Variants in MYL3 observed in about 807,000 individuals in gnomAD.
MYL3 encodes the protein CMLC1.
MYL3 carries 11 observed loss-of-function variants against 21.3 expected under a neutral mutation model. The ratio of observed to expected loss-of-function variants is 0.52; its 90% CI spans 0.32 to 0.85. The LOEUF is 0.85. Among genes scored for constraint, MYL3 ranks in the 40% least tolerant of loss-of-function variants. The pLI, the probability that MYL3 is intolerant of heterozygous loss-of-function variation, is 0.03. For missense variants in MYL3, 206 were observed against 253.3 expected (o/e 0.81, Z 1.27); for synonymous variants, 88 against 91.6 (o/e 0.96, Z 0.22).
At position 46,861,318 on chromosome 3, in the gene MYL3, C is replaced by A. The variant is rs1028593004; in HGVS notation, c.130-331G>T. On this transcript the variant is annotated intron_variant, in intron 1 of 6. Transcript: ENST00000292327. The surrounding 1 kb of genome is among the most constrained non-coding windows in gnomAD (Gnocchi z 4.2). ...CTTACCTGATGCTCCCGGTTCTGGA[C>A]AGATGTACCTTAAGCCACAAGCCCC... is the stretch of plus-strand genomic sequence containing the variant. 2.0e-5 allele frequency among the ~76,000 whole-genome samples: 3 copies of A among 152,210 alleles called. No individual in the cohort carries two copies. The highest frequency in any genetic ancestry group is 7.2e-5 in the African/African-American group (3 of 41,456).
chr3:46,863,159 C>G, intron 1 of MYL3, 103 bp downstream of exon 1: 1 of 1,544,498 alleles, frequency 6.5e-7, no homozygotes, highest in Non-Finnish European at 8.9e-7. Flanking sequence ...CCAGCGTCAG[C>G]TCAGTGCTCA....
intron 1 of MYL3, among the ~76,000 whole-genome samples, chr3:46,873,569 C>T (rs11707954): frequency 0.043 from 6,590 of 152,230 alleles, 188 homozygotes; most frequent in Non-Finnish European, 0.066. Flanking sequence ...AGTTTAAGGG[C>T]GGGGGTGGTC....
At chr3:46,880,653 G>A (rs549224339) in intron 1 of MYL3, among the ~76,000 whole-genome samples, 1 of 152,298 alleles carries the variant, frequency 6.6e-6, no homozygotes, top group East Asian at 1.9e-4. Context: ...CTTGAGCCTG[G>A]GAAGCGGAGG....
chr3:46,859,183 A>G lies in MYL3; in HGVS notation c.481+292T>C, dbSNP rs1394863601. Among the ~76,000 whole-genome samples, 7 of 152,044 alleles carry G rather than the reference A, an allele frequency of 4.6e-5. No homozygotes were observed. Among genetic ancestry groups the G allele is most frequent in the Admixed American group, 2.0e-4 (3 of 15,274 alleles). On this transcript the variant is annotated intron_variant, in intron 4 of 6. Coordinates refer to ENST00000292327, the MANE Select transcript of MYL3 (RefSeq NM_000258.3). This position sits in a 1 kb window ranked among gnomAD's most constrained non-coding sequence, Gnocchi z 4.1. The stretch of plus-strand genomic sequence containing the variant: ...GGCCCTGGAATTTGACCTTGGAGTA[A>G]TGACCACCAGGACGGTGGCCTGGAG...
At chr3:46,875,641 T>A (rs1011817982) in intron 1 of MYL3, among the ~76,000 whole-genome samples, 1 of 152,182 alleles carries the variant, frequency 6.6e-6, no homozygotes, top group African/African-American at 2.4e-5. Flanking sequence ...ACAATGTGCA[T>A]GGGGCAAGAA....
intron 5 of MYL3, 35 bp from the exon 6 acceptor site, chr3:46,858,307 A>G: frequency 1.2e-6 from 2 of 1,614,124 alleles, no homozygotes; most frequent in Non-Finnish European, 1.7e-6. Context: ...GCAGGAGTGC[A>G]ACATGGGGAA....
At chr3:46,869,666 C>T (rs981440095) in intron 1 of MYL3, among the ~76,000 whole-genome samples, 3 of 152,216 alleles carry the variant, frequency 2.0e-5, no homozygotes, top group Admixed American at 1.3e-4. Context: ...GGGCACGAGG[C>T]TGTGACTCTG....
At chr3:46,862,857 C>T (rs1164301202) in intron 1 of MYL3, among the ~76,000 whole-genome samples, 2 of 152,230 alleles carry the variant, frequency 1.3e-5, no homozygotes, top group Non-Finnish European at 2.9e-5. Flanking sequence ...CTCATCCACG[C>T]TGGGAGCGTG....
chr3:46,869,732 G>A (rs1216532443), intron 1 of MYL3, among the ~76,000 whole-genome samples: 1 of 152,236 alleles, frequency 6.6e-6, no homozygotes, highest in Non-Finnish European at 1.5e-5. Flanking sequence ...CTGTCTGCAA[G>A]CCTGTTCATC....
Position 46,874,754 on chromosome 3 carries a change from G to C in MYL3, c.-218+7320C>G, listed in dbSNP as rs543597735. Among the ~76,000 whole-genome samples the C allele has an allele frequency of 2.6e-5, 4 of 152,308 alleles. No individual in the cohort carries two copies. The highest frequency in any genetic ancestry group is 9.6e-5 in the African/African-American group (4 of 41,556). ...CCCCCCCCACACACACAATAGGGAC[G>C]CACTAGGCTTCTGGGGATTTTACAA... On this transcript the variant is annotated intron_variant, in intron 1 of 3. Coordinates refer to the MYL3 transcript ENST00000431168. The surrounding 1 kb of genome is among the most constrained non-coding windows in gnomAD (Gnocchi z 4.1).
Position 46,861,571 on chromosome 3 carries a change from G to A in MYL3, c.130-584C>T, listed in dbSNP as rs1181134088. ...CTAAAGACCAGGCAGTCACTCACCAGCCCCACTATACCTATTTCTCACACA... is the reference window on the plus strand; with the variant it reads ...CTAAAGACCAGGCAGTCACTCACCAACCCCACTATACCTATTTCTCACACA... On this transcript the variant is annotated intron_variant, in intron 1 of 6. Coordinates refer to ENST00000292327, the MANE Select transcript of MYL3 (RefSeq NM_000258.3). The surrounding 1 kb of genome is among the most constrained non-coding windows in gnomAD (Gnocchi z 4.2). 6.6e-6 allele frequency among the ~76,000 whole-genome samples: 1 copy of A among 152,110 alleles called. No individual in the cohort carries two copies. The highest frequency in any genetic ancestry group is 2.4e-5 in the African/African-American group (1 of 41,402).
At chr3:46,868,597 G>A (rs1480296021) in intron 1 of MYL3, among the ~76,000 whole-genome samples, 1 of 152,196 alleles carries the variant, frequency 6.6e-6, no homozygotes, top group South Asian at 2.1e-4. Flanking sequence ...TGTCCTGGCC[G>A]GCTGTGGCCA....
In MYL3 at chr3:46,857,989, G is replaced by T; in HGVS notation, c.*126C>A. 1 of 586,146 alleles carries T rather than the reference G, an allele frequency of 1.7e-6. No individual in the cohort carries two copies. The highest frequency in any genetic ancestry group is 3.1e-6 in the Non-Finnish European group (1 of 326,988). 36.3% of individuals were successfully genotyped at this position (586,146 alleles called of 1,614,324 possible). On this transcript the variant is annotated 3_prime_UTR_variant, in exon 7 of 7. Transcript: ENST00000292327. The surrounding 1 kb of genome is among the most constrained non-coding windows in gnomAD (Gnocchi z 5.0). ...ACGGCAACCACGTGGAGAGGTCCAA[G>T]GGTTTTTGCAGGAGTCTTGGTAAGG...
At position 46,874,841 on chromosome 3, in the gene MYL3, A is replaced by G. The variant is rs1395113073; in HGVS notation, c.-218+7233T>C. Among the ~76,000 whole-genome samples, 2 of 151,930 alleles carry G rather than the reference A, an allele frequency of 1.3e-5. No homozygotes were observed. Among genetic ancestry groups the G allele is most frequent in the Admixed American group, 1.3e-4 (2 of 15,254 alleles). ...GTCTGGGAAACAGGACCCGCTTTGG[A>G]CCCCCAACCAGTGTCCCCAGTGGCT... On this transcript the variant is annotated intron_variant, in intron 1 of 3. Coordinates refer to the MYL3 transcript ENST00000431168. The surrounding 1 kb of genome is among the most constrained non-coding windows in gnomAD (Gnocchi z 4.1).
chr3:46,863,153 C>T (rs1267881442), intron 1 of MYL3, 109 bp downstream of exon 1: 4 of 1,512,954 alleles, frequency 2.6e-6, no homozygotes, highest in Admixed American at 1.7e-5. Context: ...AAGCTTCCAG[C>T]GTCAGCTCAG....
rs1701962321 is a variant in MYL3, at chr3:46,859,032, T to C, written c.481+443A>G. 6.6e-6 allele frequency among the ~76,000 whole-genome samples: 1 copy of C among 151,988 alleles called. No individual in the cohort carries two copies. The highest frequency in any genetic ancestry group is 1.5e-5 in the Non-Finnish European group (1 of 68,006). ...TGTTTGCTGCAGGAAAAAATCACTT[T>C]GAAGAGGGACCCCCTGCTGCAGGCA... On this transcript the variant is annotated intron_variant, in intron 4 of 6. Coordinates refer to ENST00000292327, the MANE Select transcript of MYL3 (RefSeq NM_000258.3). This position sits in a 1 kb window ranked among gnomAD's most constrained non-coding sequence, Gnocchi z 4.1.
intron 1 of MYL3, among the ~76,000 whole-genome samples, chr3:46,875,911 C>T (rs2030185010): frequency 6.6e-6 from 1 of 152,232 alleles, no homozygotes. Flanking sequence ...TGCCATTCTC[C>T]CCCTACCTCT....
rs182052844 is a variant in MYL3, at chr3:46,859,401, C to G, written c.481+74G>C. ...TCCATTTCACCAATGGGTCACAGGC[C>G]TGGGGGGCAACAGAGTGGTTTCTCC... On this transcript the variant is annotated intron_variant, in intron 4 of 6. Transcript: ENST00000292327. This position sits in a 1 kb window ranked among gnomAD's most constrained non-coding sequence, Gnocchi z 4.1. 1,946 of 1,595,150 alleles carry G rather than the reference C, an allele frequency of 1.2e-3. 7 individuals are homozygous for G. Among genetic ancestry groups the G allele is most frequent in the Middle Eastern group, 4.5e-3 (22 of 4,942 alleles).
upstream of MYL3, among the ~76,000 whole-genome samples, chr3:46,868,400 C>T (rs1352265931): frequency 6.6e-6 from 1 of 152,226 alleles, no homozygotes; most frequent in Non-Finnish European, 1.5e-5. Flanking sequence ...GCAGGCCAAA[C>T]ACAACCCTCA....
Sources: allele counts gnomAD v4.1 joint callset (sites outside exome capture counted in the v4.1 genomes callset), GRCh38; gene constraint gnomAD v4.1.1; non-coding constraint Gnocchi (gnomAD v3.1); transcripts MANE v1.5; gene names NCBI Gene and HGNC (gene_info 2026-07-23, HGNC 2026-07-21).